BCAR3: variants seen among roughly 807,000 people sequenced by gnomAD.
BCAR3 encodes the protein BCAR3 adaptor protein, NSP family member.
BCAR3 carries 37 observed loss-of-function variants against 80.1 expected under a neutral mutation model. That is an observed-to-expected ratio of 0.46 (90% CI 0.36 to 0.61). The LOEUF (loss-of-function observed/expected upper bound fraction) is 0.61, where lower values mean the gene tolerates loss of function less well. Among genes scored for constraint, BCAR3 ranks in the 20% least tolerant of loss-of-function variants. The pLI is 0.00. For synonymous variants in BCAR3, 389 were observed against 418.9 expected, an observed-to-expected ratio of 0.93 and a Z score of 0.87; for missense variants, 978 against 1,068.2, an observed-to-expected ratio of 0.92 and a Z score of 1.18.
chr1:93,766,859 G>T (rs1010300870), intron 2 of BCAR3, among the ~76,000 whole-genome samples: 1 of 152,086 alleles, frequency 6.6e-6, no homozygotes. Context: ...TCAAGACATC[G>T]AAACAAAGAA....
At chr1:93,720,007 C>T (rs1192624953) in intron 2 of BCAR3, among the ~76,000 whole-genome samples, 1 of 152,288 alleles carries the variant, frequency 6.6e-6, no homozygotes, top group East Asian at 1.9e-4. Flanking sequence ...CTTCTGGGCT[C>T]ATGTAATTTT....
At chr1:93,700,794 A>G (rs898984900) in intron 3 of BCAR3, among the ~76,000 whole-genome samples, 3 of 152,218 alleles carry the variant, frequency 2.0e-5, no homozygotes, top group Non-Finnish European at 4.4e-5. Context: ...GCGGAATTCC[A>G]CAGGAAGAAA....
At chr1:93,726,136 C>G (rs1650574274) in intron 2 of BCAR3, among the ~76,000 whole-genome samples, 1 of 152,052 alleles carries the variant, frequency 6.6e-6, no homozygotes, top group Non-Finnish European at 1.5e-5. Context: ...GCAAACACAG[C>G]TCAATGCAGC....
intron 2 of BCAR3, among the ~76,000 whole-genome samples, chr1:93,728,418 C>T (rs1650668734): frequency 6.6e-6 from 1 of 152,182 alleles, no homozygotes; most frequent in Non-Finnish European, 1.5e-5. Context: ...TGTCTATAGG[C>T]GACTTGTGTT....
intron 3 of BCAR3, among the ~76,000 whole-genome samples, chr1:93,632,367 A>G (rs928174244): frequency 6.6e-6 from 1 of 152,234 alleles, no homozygotes. Context: ...CTGATTTTCA[A>G]CTTTACGACG....
chr1:93,762,805 ACTCT>A (rs144606424), intron 2 of BCAR3, among the ~76,000 whole-genome samples: 1 of 146,418 alleles, frequency 6.8e-6, no homozygotes, highest in African/African-American at 2.5e-5. Context: ...TGCCTCACCC[ACTCT>A]CTCTCTCTCC....
chr1:93,827,197 C>T (rs1485982511), intron 2 of BCAR3, among the ~76,000 whole-genome samples: 1 of 152,146 alleles, frequency 6.6e-6, no homozygotes, highest in African/African-American at 2.4e-5. Flanking sequence ...AACAAAAGCA[C>T]CTCTACAGGC....
At chr1:93,629,615 G>A (rs527653073) in intron 3 of BCAR3, among the ~76,000 whole-genome samples, 15 of 152,222 alleles carry the variant, frequency 9.9e-5, no homozygotes, top group Admixed American at 7.2e-4. Context: ...TTTAGAAACC[G>A]AATTGTAGCC....
intron 2 of BCAR3, among the ~76,000 whole-genome samples, chr1:93,673,113 T>C (rs1225290210): frequency 3.9e-5 from 6 of 152,228 alleles, no homozygotes; most frequent in Admixed American, 3.9e-4. Context: ...AGAAACCTGT[T>C]CATCCTACCA....
chr1:93,659,547 T>C (rs1647553602), intron 2 of BCAR3, among the ~76,000 whole-genome samples: 1 of 151,864 alleles, frequency 6.6e-6, no homozygotes, highest in African/African-American at 2.4e-5. Context: ...ATATTCCTTC[T>C]ACTATAATAG....
chr1:93,663,198 C>T (rs1647743915), intron 2 of BCAR3, among the ~76,000 whole-genome samples: 1 of 152,178 alleles, frequency 6.6e-6, no homozygotes, highest in African/African-American at 2.4e-5. Context: ...CTCACAAGCC[C>T]CTCTCTTTGG....
chr1:93,571,850 C>CAGG lies in BCAR3; in HGVS notation c.1803-12_1803-10dup. 2 of 1,609,766 alleles carry CAGG rather than the reference C, an allele frequency of 1.2e-6. No individual in the cohort carries two copies. Among genetic ancestry groups the CAGG allele is most frequent in the Non-Finnish European group, 1.7e-6 (2 of 1,177,518 alleles). The stretch of plus-strand genomic sequence containing the variant: ...TGGCCATTGTGTTGTGTCTGAAAGC[C>CAGG]AGGAGATCAGCGGTCAGGTTCAGGG... On this transcript the variant is annotated splice_polypyrimidine_tract_variant and intron_variant, in intron 8 of 11. Transcript: ENST00000260502.
intron 9 of BCAR3, among the ~76,000 whole-genome samples, chr1:93,568,304 C>G (rs1335978327): frequency 6.6e-6 from 1 of 152,032 alleles, no homozygotes; most frequent in African/African-American, 2.4e-5. Flanking sequence ...AAAAAATAAT[C>G]CCCCATCCGC....
upstream of BCAR3, chr1:93,681,881 C>T (rs1376624444): frequency 6.6e-6 from 1 of 152,282 alleles, no homozygotes; most frequent in Non-Finnish European, 1.5e-5. Flanking sequence ...TGATTTGCGG[C>T]TCCGCGGCCC....
chr1:93,731,572 A>G (rs1033512868), intron 2 of BCAR3, among the ~76,000 whole-genome samples: 1 of 152,152 alleles, frequency 6.6e-6, no homozygotes, highest in African/African-American at 2.4e-5. Context: ...CTCAGCTATG[A>G]AAACATGTTC....
In BCAR3 at chr1:93,696,129, C is replaced by T. The variant is rs185468807; in HGVS notation, c.-12+9963G>A. On this transcript the variant is annotated intron_variant, in intron 3 of 13. Coordinates refer to the BCAR3 transcript ENST00000370244. The stretch of plus-strand genomic sequence containing the variant: ...AATCAAAGCTCATTGTAGCCTTGAC[C>T]TCCCATGCTCAAGCAGCCTCAGCCT... 3.5e-3 allele frequency among the ~76,000 whole-genome samples: 528 copies of T among 152,084 alleles called. 6 individuals are homozygous for T. Among genetic ancestry groups the T allele is most frequent in the African/African-American group, 0.012 (488 of 41,464 alleles).
intron 2 of BCAR3, among the ~76,000 whole-genome samples, chr1:93,773,089 A>T (rs1298345909): frequency 6.6e-6 from 1 of 152,204 alleles, no homozygotes; most frequent in African/African-American, 2.4e-5. Context: ...TGACTAGAAG[A>T]TTGATAGGTT....
At chr1:93,589,933 C>A (rs544627734) in intron 4 of BCAR3, among the ~76,000 whole-genome samples, 17 of 152,120 alleles carry the variant, frequency 1.1e-4, no homozygotes, top group Non-Finnish European at 1.5e-4. Context: ...GCCTGGCAGG[C>A]CTGATTTTCC....
chr1:93,827,034 G>A (rs532271272), intron 2 of BCAR3, among the ~76,000 whole-genome samples: 1 of 152,288 alleles, frequency 6.6e-6, no homozygotes, highest in South Asian at 2.1e-4. Flanking sequence ...CAGAAAGGAA[G>A]GGACTGTGAC....
Sources: allele counts gnomAD v4.1 joint callset (sites outside exome capture counted in the v4.1 genomes callset), GRCh38; gene constraint gnomAD v4.1.1; transcripts MANE v1.5; gene names NCBI Gene and HGNC (gene_info 2026-07-23, HGNC 2026-07-21).